NHSL3: variants seen among roughly 807,000 people sequenced by gnomAD.
NHSL3 encodes NHS like 3.
At chr1:32,754,356 C>T in the NHSL3 span, among the ~76,000 whole-genome samples, 2 of 151,590 alleles carry the variant, frequency 1.3e-5, no homozygotes, top group Non-Finnish European at 2.9e-5. Context: ...GTAATACCTA[C>T]GGGCGGGCAC....
the NHSL3 span, chr1:32,767,821 T>C: frequency 6.2e-7 from 1 of 1,613,560 alleles, no homozygotes. Context: ...AACATCTAAG[T>C]GTAGGGCCTG....
the NHSL3 span, chr1:32,770,516 C>T: frequency 2.1e-4 from 329 of 1,554,996 alleles, 1 homozygote; most frequent in Middle Eastern, 1.2e-3. This position sits in a 1 kb window ranked among gnomAD's most constrained non-coding sequence, Gnocchi z 8.3. Context: ...GAGAGCTCTA[C>T]GGCTAGCAAT....
chr1:32,770,355 G>T, the NHSL3 span: 1 of 1,610,204 alleles, frequency 6.2e-7, no homozygotes, highest in Non-Finnish European at 8.5e-7. The surrounding 1 kb of genome is among the most constrained non-coding windows in gnomAD (Gnocchi z 8.3). Context: ...CAGTCCGCTC[G>T]CTGGGGCGCT....
chr1:32,770,033 G>T, the NHSL3 span: 3 of 1,586,582 alleles, frequency 1.9e-6, no homozygotes, highest in African/African-American at 1.3e-5. This position sits in a 1 kb window ranked among gnomAD's most constrained non-coding sequence, Gnocchi z 8.3. Flanking sequence ...GCGGAGGCTG[G>T]CGCTGAGACA....
chr1:32,770,109 G>T, the NHSL3 span: 4 of 1,557,032 alleles, frequency 2.6e-6, no homozygotes, highest in Non-Finnish European at 3.5e-6. The surrounding 1 kb of genome is among the most constrained non-coding windows in gnomAD (Gnocchi z 8.3). Context: ...GCCGGTCCAC[G>T]GGTACCCGGG....
the NHSL3 span, among the ~76,000 whole-genome samples, chr1:32,762,001 A>G: frequency 6.6e-6 from 1 of 152,166 alleles, no homozygotes; most frequent in South Asian, 2.1e-4. Flanking sequence ...CTGCTTTGCC[A>G]TTTACACCAT....
At chr1:32,756,908 G>A in the NHSL3 span, among the ~76,000 whole-genome samples, 65 of 151,994 alleles carry the variant, frequency 4.3e-4, no homozygotes, top group African/African-American at 1.5e-3. Context: ...GGTGGAGGTT[G>A]CAGCGAGCCG....
At chr1:32,764,551 T>G in the NHSL3 span, among the ~76,000 whole-genome samples, 2 of 152,056 alleles carry the variant, frequency 1.3e-5, no homozygotes, top group African/African-American at 4.8e-5. Flanking sequence ...CACTGCAGTC[T>G]TCGGCTCCCA....
the NHSL3 span, chr1:32,753,976 G>T: frequency 2.7e-6 from 1 of 364,278 alleles, no homozygotes. Context: ...CTGGGGCTGG[G>T]GGCGCCCGCG....
the NHSL3 span, among the ~76,000 whole-genome samples, chr1:32,755,365 T>C: frequency 6.6e-6 from 1 of 152,134 alleles, no homozygotes; most frequent in South Asian, 2.1e-4. Flanking sequence ...TACGGGTGTA[T>C]TCCCAGGATG....
At chr1:32,771,952 G>T in the NHSL3 span, 1 of 1,604,886 alleles carries the variant, frequency 6.2e-7, no homozygotes. Context: ...CCCAGTGCCT[G>T]CCCCCTCCTC....
chr1:32,764,009 G>A, the NHSL3 span, among the ~76,000 whole-genome samples: 1 of 152,112 alleles, frequency 6.6e-6, no homozygotes, highest in African/African-American at 2.4e-5. Context: ...CCAGCTGTGA[G>A]TCACCACGCC....
chr1:32,743,988 T>G, the NHSL3 span, among the ~76,000 whole-genome samples: 2 of 152,212 alleles, frequency 1.3e-5, no homozygotes, highest in Non-Finnish European at 2.9e-5. Flanking sequence ...GTCACCTGCC[T>G]GGCCCAACTT....
the NHSL3 span, among the ~76,000 whole-genome samples, chr1:32,748,986 T>G: frequency 6.6e-6 from 1 of 152,186 alleles, no homozygotes; most frequent in Non-Finnish European, 1.5e-5. Context: ...AAGTGTTATA[T>G]ACCAGGCACT....
the NHSL3 span, chr1:32,769,727 G>T: frequency 2.5e-6 from 4 of 1,614,100 alleles, no homozygotes; most frequent in East Asian, 8.9e-5. Context: ...TCAGGGCGGC[G>T]TCGGCGGGAG....
At chr1:32,768,986 C>T in the NHSL3 span, 43 of 534,970 alleles carry the variant, frequency 8.0e-5, no homozygotes, top group Non-Finnish European at 1.2e-4. Context: ...TGCGGTGGCT[C>T]ACGCCTGTAA....
At chr1:32,747,576 G>A in the NHSL3 span, among the ~76,000 whole-genome samples, 1 of 152,206 alleles carries the variant, frequency 6.6e-6, no homozygotes, top group Non-Finnish European at 1.5e-5. Context: ...TGGGGGCTAG[G>A]CATGGAGATG....
chr1:32,746,870 AG>A, the NHSL3 span, among the ~76,000 whole-genome samples: 1 of 152,250 alleles, frequency 6.6e-6, no homozygotes, highest in African/African-American at 2.4e-5. Context: ...TTTTGGGGAA[AG>A]GGGTATGTAG....
the NHSL3 span, chr1:32,768,552 G>C: frequency 6.9e-7 from 1 of 1,440,784 alleles, no homozygotes; most frequent in Non-Finnish European, 9.5e-7. Flanking sequence ...CCAAGATTTC[G>C]CTACTGCACT....
Sources: gnomAD v4.1 joint callset for allele counts (sites outside exome capture counted in the v4.1 genomes callset) on GRCh38, gnomAD v4.1.1 for gene constraint, Gnocchi (gnomAD v3.1) non-coding constraint, MANE v1.5 for transcripts, NCBI Gene and HGNC (gene_info 2026-07-23, HGNC 2026-07-21) for gene names.